Variants in GPHN observed in about 807,000 individuals in gnomAD.
GPHN encodes gephyrin.
In GPHN, 17 loss-of-function variants were observed where a neutral mutation model predicts 95.5. That is an observed-to-expected ratio of 0.18 (90% confidence interval 0.12 to 0.27). The LOEUF (loss-of-function observed/expected upper bound fraction) is 0.27. Ranked by LOEUF, GPHN falls within the 10% of genes least tolerant of loss-of-function variation. The probability of loss-of-function intolerance (pLI) is 1.00; values close to 1 mark genes in which losing one functional copy is unlikely to be tolerated. For missense variants in GPHN, 660 were observed against 978.1 expected (o/e 0.67, Z 4.34); for synonymous variants, 320 against 322.5 (o/e 0.99, Z 0.08).
intron 4 of GPHN, among the ~76,000 whole-genome samples, chr14:66,850,115 G>A (rs966195641): frequency 3.9e-5 from 6 of 151,994 alleles, no homozygotes; most frequent in Admixed American, 3.9e-4. Context: ...ATAATTTACA[G>A]ATAGAAACTT....
At chr14:66,546,367 G>T (rs1286455847) in intron 1 of GPHN, among the ~76,000 whole-genome samples, 1 of 150,544 alleles carries the variant, frequency 6.6e-6, no homozygotes, top group Non-Finnish European at 1.5e-5. Flanking sequence ...CCCAGACGGG[G>T]TGGCGGCCGG....
chr14:66,902,691 C>T (rs1234487913), intron 5 of GPHN, among the ~76,000 whole-genome samples: 2 of 152,022 alleles, frequency 1.3e-5, no homozygotes, highest in Admixed American at 6.6e-5. Context: ...ATATGTTGAA[C>T]CATCCTTGGG....
At chr14:66,639,775 A>G (rs1433319219) in intron 1 of GPHN, among the ~76,000 whole-genome samples, 1 of 152,050 alleles carries the variant, frequency 6.6e-6, no homozygotes, top group African/African-American at 2.4e-5. Context: ...ACTATAGATG[A>G]TATTTTATAA....
chr14:66,826,753 C>T (rs183433991), intron 4 of GPHN, among the ~76,000 whole-genome samples: 73 of 152,276 alleles, frequency 4.8e-4, no homozygotes, highest in Non-Finnish European at 1.0e-4. Context: ...CATCCCCTCT[C>T]AGTATTTAGC....
At chr14:66,917,366 T>G (rs1311296629) in intron 6 of GPHN, among the ~76,000 whole-genome samples, 1 of 152,188 alleles carries the variant, frequency 6.6e-6, no homozygotes, top group Non-Finnish European at 1.5e-5. Flanking sequence ...CAGCAACATA[T>G]GACTTCACTC....
chr14:66,953,798 C>G (rs1328060282), intron 8 of GPHN, among the ~76,000 whole-genome samples: 1 of 152,028 alleles, frequency 6.6e-6, no homozygotes, highest in African/African-American at 2.4e-5. Context: ...TTTGGGAGGC[C>G]GAGGTGGGCA....
chr14:67,685,551 G>T, the GPHN span, among the ~76,000 whole-genome samples: 7 of 152,116 alleles, frequency 4.6e-5, no homozygotes, highest in African/African-American at 1.7e-4. Flanking sequence ...TTGAACTCCT[G>T]GCATCAAACA....
At chr14:67,273,341 C>G in the GPHN span, among the ~76,000 whole-genome samples, 2 of 139,694 alleles carry the variant, frequency 1.4e-5, no homozygotes, top group Non-Finnish European at 3.0e-5. Context: ...TCTCATTTTT[C>G]AATTCCCACC....
At chr14:67,070,726 A>ATATATATATATATATC (rs1339415042) in intron 11 of GPHN, among the ~76,000 whole-genome samples, 1 of 138,314 alleles carries the variant, frequency 7.2e-6, no homozygotes, top group African/African-American at 3.1e-5. Flanking sequence ...ATATATATAT[A>ATATATATATATATATC]TATCCAATCA....
chr14:67,361,293 C>T, the GPHN span, among the ~76,000 whole-genome samples: 1 of 152,240 alleles, frequency 6.6e-6, no homozygotes, highest in African/African-American at 2.4e-5. Flanking sequence ...AGTTGTTATT[C>T]AAGGAACAAT....
At chr14:67,100,672 G>A (rs187196375) in intron 12 of GPHN, among the ~76,000 whole-genome samples, 184 bp from the exon 13 acceptor site, 3 of 152,306 alleles carry the variant, frequency 2.0e-5, no homozygotes, top group Admixed American at 1.3e-4. Flanking sequence ...TGTGAGTTGC[G>A]GATACCAAAC....
intron 9 of GPHN, among the ~76,000 whole-genome samples, chr14:67,005,865 G>A (rs2153613327): frequency 6.6e-6 from 1 of 151,578 alleles, no homozygotes; most frequent in East Asian, 1.9e-4. Flanking sequence ...AAAACAGTTG[G>A]ATGTGGATTT....
chr14:67,143,374 A>G lies in GPHN; in HGVS notation c.1761A>G (p.Leu587=). Residue 587 remains leucine, a synonymous_variant, in exon 18 of 23, where the codon TTA becomes TTG. Transcript: ENST00000478722. ...TATTTTTTTCCAGCCCAGATGACTT[A>G]CTCAATGCCTTGAATGAGGGTATCA... ...LGIVGDNPDD[L]LNALNEGISR... 2 of 1,606,812 alleles carry G rather than the reference A, an allele frequency of 1.2e-6. No individual in the cohort carries two copies. Among genetic ancestry groups the G allele is most frequent in the Non-Finnish European group, 1.7e-6 (2 of 1,173,424 alleles).
the GPHN span, among the ~76,000 whole-genome samples, chr14:67,445,610 G>A: frequency 1.9e-4 from 15 of 78,762 alleles, no homozygotes; most frequent in African/African-American, 6.7e-4. Flanking sequence ...TTTGAGATAG[G>A]GTCTTGCTCT....
At chr14:67,502,285 C>T in the GPHN span, among the ~76,000 whole-genome samples, 287 of 150,834 alleles carry the variant, frequency 1.9e-3, 2 homozygotes, top group African/African-American at 6.6e-3. Flanking sequence ...GAGCCGAGAT[C>T]GTGCCATTGT....
intron 11 of GPHN, among the ~76,000 whole-genome samples, chr14:67,068,345 C>A (rs553158593): frequency 6.6e-6 from 1 of 152,302 alleles, no homozygotes; most frequent in Admixed American, 6.5e-5. Flanking sequence ...ATTTTCAGCT[C>A]CTATCTGCAA....
the GPHN span, among the ~76,000 whole-genome samples, chr14:67,261,111 G>A: frequency 7.2e-5 from 11 of 152,158 alleles, no homozygotes; most frequent in Non-Finnish European, 8.8e-5. Flanking sequence ...TATGTCAGGT[G>A]CTTAGCATAG....
the GPHN span, chr14:67,228,367 T>G: frequency 1.9e-6 from 1 of 515,398 alleles, no homozygotes; most frequent in South Asian, 8.7e-5. Flanking sequence ...GTAATAACAC[T>G]AAAAATATTC....
At chr14:67,653,614 C>A in the GPHN span, 1 of 887,668 alleles carries the variant, frequency 1.1e-6, no homozygotes, top group South Asian at 1.7e-5. Flanking sequence ...TCCAAGAAAT[C>A]AAGCCAATTT....
Sources: allele counts gnomAD v4.1 joint callset (sites outside exome capture counted in the v4.1 genomes callset), GRCh38; gene constraint gnomAD v4.1.1; transcripts MANE v1.5; gene names NCBI Gene and HGNC (gene_info 2026-07-23, HGNC 2026-07-21).